Variants in THSD7A observed in about 807,000 individuals in gnomAD.
THSD7A encodes the protein thrombospondin type 1 domain containing 7A.
A neutral mutation model predicts 231.3 loss-of-function variants in THSD7A; 96 were observed. The ratio of observed to expected loss-of-function variants is 0.41; its 90% confidence interval spans 0.35 to 0.49. The LOEUF (loss-of-function observed/expected upper bound fraction) is 0.49, where lower values mean the gene tolerates loss of function less well. Among genes scored for constraint, THSD7A ranks in the 20% least tolerant of loss-of-function variants. The pLI is 0.05. For missense variants in THSD7A, 2,290 were observed against 2,070.2 expected (o/e 1.11, Z -2.06); for synonymous variants, 940 against 743.3 (o/e 1.26, Z -4.30).
At chr7:11,407,674 A>C (rs6975177) in intron 19 of THSD7A, among the ~76,000 whole-genome samples, 2 of 152,010 alleles carry the variant, frequency 1.3e-5, no homozygotes, top group Admixed American at 1.3e-4. Context: ...AAGTGTTTTC[A>C]ATAAGCAATG....
chr7:11,532,385 G>C (rs1192454783), intron 6 of THSD7A, among the ~76,000 whole-genome samples: 1 of 152,154 alleles, frequency 6.6e-6, no homozygotes, highest in African/African-American at 2.4e-5. Context: ...ATGAGATGCT[G>C]CTTTAAGAAA....
intron 23 of THSD7A, among the ~76,000 whole-genome samples, chr7:11,399,420 T>G (rs563573804): frequency 1.3e-5 from 2 of 152,124 alleles, no homozygotes; most frequent in African/African-American, 4.8e-5. Context: ...CTGGTCTATT[T>G]TGTCAGTTTG....
chr7:11,522,349 G>C (rs747619309), intron 6 of THSD7A, among the ~76,000 whole-genome samples: 32 of 152,190 alleles, frequency 2.1e-4, no homozygotes, highest in Non-Finnish European at 3.5e-4. Context: ...TTAGGAAATA[G>C]TGGAAATCAA....
chr7:11,680,200 T>G (rs1160104512), intron 1 of THSD7A, among the ~76,000 whole-genome samples: 2 of 152,036 alleles, frequency 1.3e-5, no homozygotes, highest in South Asian at 2.1e-4. Context: ...AAAAATTAAC[T>G]CAAGATGGAT....
At chr7:11,702,808 T>C (rs1039699489) in intron 1 of THSD7A, among the ~76,000 whole-genome samples, 1 of 151,240 alleles carries the variant, frequency 6.6e-6, no homozygotes, top group Non-Finnish European at 1.5e-5. Flanking sequence ...TTTAGAACAC[T>C]ACCTGACTCC....
At chr7:11,701,607 T>G (rs1294823814) in intron 1 of THSD7A, among the ~76,000 whole-genome samples, 1 of 151,126 alleles carries the variant, frequency 6.6e-6, no homozygotes. Flanking sequence ...TTTTCAAAAT[T>G]TAGTGTTCAA....
At chr7:11,499,535 G>A (rs1440359446) in intron 6 of THSD7A, among the ~76,000 whole-genome samples, 1 of 152,194 alleles carries the variant, frequency 6.6e-6, no homozygotes, top group East Asian at 1.9e-4. Flanking sequence ...CTGAGATTCA[G>A]GAGGATGGCA....
intron 1 of THSD7A, among the ~76,000 whole-genome samples, chr7:11,802,391 C>G (rs894913514): frequency 3.3e-5 from 5 of 152,114 alleles, no homozygotes; most frequent in African/African-American, 4.8e-5. Flanking sequence ...GTTTGAGAAA[C>G]AACATCTGTG....
At chr7:11,631,936 A>G (rs1290449548) in intron 2 of THSD7A, among the ~76,000 whole-genome samples, 1 of 152,170 alleles carries the variant, frequency 6.6e-6, no homozygotes, top group East Asian at 1.9e-4. Flanking sequence ...TGAGACTTCT[A>G]TCCTTAAAAA....
intron 3 of THSD7A, among the ~76,000 whole-genome samples, chr7:11,591,833 C>A (rs1160354671): frequency 2.0e-5 from 3 of 152,066 alleles, no homozygotes; most frequent in African/African-American, 7.2e-5. Flanking sequence ...AAGGGAGCTG[C>A]AATAATTGTT....
At chr7:11,684,806 A>G (rs1005726643) in intron 1 of THSD7A, among the ~76,000 whole-genome samples, 12 of 152,070 alleles carry the variant, frequency 7.9e-5, no homozygotes, top group African/African-American at 2.9e-4. Context: ...GTTCAAAGCA[A>G]TCTACAGATT....
chr7:11,392,055 G>A (rs995693156), intron 23 of THSD7A, among the ~76,000 whole-genome samples: 3 of 152,016 alleles, frequency 2.0e-5, no homozygotes, highest in African/African-American at 7.2e-5. Flanking sequence ...ATCTTGCCCA[G>A]AATCTCAACT....
rs1362790421 is a variant in THSD7A, at chr7:11,634,715, C to T, written c.1022+1415G>A. ...GACCAGAACTAGAATGGAAAAAGGG[C>T]AAATTACCGTACAGCTGAAATAAAA... On this transcript the variant is annotated intron_variant, in intron 2 of 27. Transcript: ENST00000423059. This position sits in a 1 kb window ranked among gnomAD's most constrained non-coding sequence, Gnocchi z 4.1. Among the ~76,000 whole-genome samples, 5 of 151,814 alleles carry T rather than the reference C, an allele frequency of 3.3e-5. No homozygotes were observed. Among genetic ancestry groups the T allele is most frequent in the African/African-American group, 1.2e-4 (5 of 41,314 alleles).
chr7:11,824,897 C>A (rs1208948849), intron 1 of THSD7A, among the ~76,000 whole-genome samples: 2 of 151,952 alleles, frequency 1.3e-5, no homozygotes, highest in Non-Finnish European at 1.5e-5. Flanking sequence ...TTGAGAAATA[C>A]CCTGAGATAC....
chr7:11,643,042 T>C (rs912046778), intron 1 of THSD7A, among the ~76,000 whole-genome samples: 2 of 152,068 alleles, frequency 1.3e-5, no homozygotes, highest in Non-Finnish European at 2.9e-5. Context: ...CAAAGAGCCT[T>C]ATAAAAGATA....
At chr7:11,466,451 G>T (rs1270042266) in intron 9 of THSD7A, among the ~76,000 whole-genome samples, 1 of 152,110 alleles carries the variant, frequency 6.6e-6, no homozygotes, top group Non-Finnish European at 1.5e-5. Context: ...CTCAGTTACA[G>T]CAGTCTACAG....
Position 11,406,795 on chromosome 7 carries a change from T to C in THSD7A, c.4062+115A>G. 1 of 1,298,190 alleles carries C rather than the reference T, an allele frequency of 7.7e-7. No individual in the cohort carries two copies. Among genetic ancestry groups the C allele is most frequent in the Non-Finnish European group, 1.0e-6 (1 of 966,202 alleles). The allele number at this position is 1,298,190 out of a possible 1,614,324, so 80.4% of individuals were successfully genotyped here. A position where few individuals can be genotyped will look rare whatever the true frequency, so the allele number is the denominator to read the frequency against. ...CAAGTACATACAAATTTTAAGAAGC[T>C]TGTCATCTGTGAGCTCTGAAACATA... On this transcript the variant is annotated intron_variant, in intron 21 of 27. Coordinates refer to ENST00000423059, the MANE Select transcript of THSD7A (RefSeq NM_015204.3). The surrounding 1 kb of genome is among the most constrained non-coding windows in gnomAD (Gnocchi z 4.7).
At chr7:11,753,087 A>C (rs1156743823) in intron 1 of THSD7A, among the ~76,000 whole-genome samples, 1 of 152,146 alleles carries the variant, frequency 6.6e-6, no homozygotes, top group Non-Finnish European at 1.5e-5. Flanking sequence ...TGGAGGTTAT[A>C]TAAGAAACCA....
In THSD7A at chr7:11,590,651, G is replaced by A. The variant is rs755711517; in HGVS notation, c.1272-10C>T. ...AGTTCTCCAGCCATACCTAAATAAA[G>A]ACAACACCACCAGCAGCAACCATAA... is the stretch of plus-strand genomic sequence containing the variant. On this transcript the variant is annotated splice_polypyrimidine_tract_variant and intron_variant, in intron 3 of 27. Transcript: ENST00000423059. The surrounding 1 kb of genome is among the most constrained non-coding windows in gnomAD (Gnocchi z 4.4). The A allele has an allele frequency of 2.5e-6, 4 of 1,591,896 alleles. No homozygotes were observed. The South Asian group carries it at 4.5e-5, about 18-fold the overall frequency.
Sources: gnomAD v4.1 joint callset for allele counts (sites outside exome capture counted in the v4.1 genomes callset) on GRCh38, gnomAD v4.1.1 for gene constraint, Gnocchi (gnomAD v3.1) non-coding constraint, MANE v1.5 for transcripts, NCBI Gene and HGNC (gene_info 2026-07-23, HGNC 2026-07-21) for gene names.